LRRTM4: variants seen among roughly 807,000 people sequenced by gnomAD.
The protein encoded by LRRTM4 is leucine rich repeat transmembrane neuronal 4.
LRRTM4 carries 25 observed loss-of-function variants against 47.6 expected under a neutral mutation model. The observed-to-expected ratio is 0.53, with a 90% CI of 0.38 to 0.73. The LOEUF (loss-of-function observed/expected upper bound fraction) is 0.73, where lower values mean the gene tolerates loss of function less well. LRRTM4 is among the 30% of genes least tolerant of loss of function. The pLI is 0.00. For missense variants in LRRTM4, 638 were observed against 713.4 expected (o/e 0.89, Z 1.20); for synonymous variants, 311 against 269.5 (o/e 1.15, Z -1.51).
At chr2:77,071,244 CTT>C (rs1420641568) in intron 3 of LRRTM4, among the ~76,000 whole-genome samples, 3 of 152,132 alleles carry the variant, frequency 2.0e-5, no homozygotes, top group Non-Finnish European at 4.4e-5. Flanking sequence ...AATTACATAA[CTT>C]AAACTTTAAT....
chr2:77,392,383 C>A (rs1202854431), intron 3 of LRRTM4, among the ~76,000 whole-genome samples: 2 of 151,992 alleles, frequency 1.3e-5, no homozygotes, highest in Non-Finnish European at 2.9e-5. Context: ...CTCCTAAAGC[C>A]TTGTCATGAG....
intron 3 of LRRTM4, among the ~76,000 whole-genome samples, chr2:77,488,351 C>T (rs144160692): frequency 2.6e-5 from 4 of 152,174 alleles, no homozygotes; most frequent in Admixed American, 1.3e-4. Context: ...TGGTTGTGTG[C>T]GGCAGCTGGA....
chr2:76,959,339 A>T lies in LRRTM4; in HGVS notation c.1552-210423T>A, dbSNP rs985457443. 5.9e-5 allele frequency among the ~76,000 whole-genome samples: 9 copies of T among 151,740 alleles called. No individual in the cohort carries two copies. In the South Asian group the frequency reaches 1.9e-3, roughly 31 times the overall value. On this transcript the variant is annotated intron_variant, in intron 3 of 3. Coordinates refer to ENST00000409884, the MANE Select transcript of LRRTM4 (RefSeq NM_001134745.3). ...GCATGCCCTTCCTAGAAAATGACTGAAATGAAGAAAGTCACATAAACATAG... is the reference window on the plus strand; with the variant it reads ...GCATGCCCTTCCTAGAAAATGACTGTAATGAAGAAAGTCACATAAACATAG...
At chr2:76,769,813 T>C (rs1673615008) in intron 3 of LRRTM4, among the ~76,000 whole-genome samples, 2 of 152,166 alleles carry the variant, frequency 1.3e-5, no homozygotes, top group South Asian at 4.1e-4. Flanking sequence ...GTATTTTTCA[T>C]AGGAAAAATA....
At chr2:76,901,486 A>T (rs1558724872) in intron 3 of LRRTM4, among the ~76,000 whole-genome samples, 3 of 152,132 alleles carry the variant, frequency 2.0e-5, no homozygotes, top group South Asian at 2.1e-4. Flanking sequence ...GACAGAAAAA[A>T]GGGAGAGCAG....
chr2:77,191,162 C>A (rs1367113835), intron 3 of LRRTM4, among the ~76,000 whole-genome samples: 1 of 151,950 alleles, frequency 6.6e-6, no homozygotes, highest in Non-Finnish European at 1.5e-5. Flanking sequence ...CAAATGTACA[C>A]ATAGGACATA....
chr2:77,000,246 G>T (rs1677367196), intron 3 of LRRTM4, among the ~76,000 whole-genome samples: 1 of 151,750 alleles, frequency 6.6e-6, no homozygotes, highest in South Asian at 2.1e-4. Context: ...CCTCATTAGT[G>T]AGCAATTTCT....
chr2:77,182,336 C>A (rs1673371152), intron 3 of LRRTM4, among the ~76,000 whole-genome samples: 1 of 152,158 alleles, frequency 6.6e-6, no homozygotes, highest in East Asian at 1.9e-4. Context: ...AAAGCAAACA[C>A]TGCATGTTTT....
At chr2:77,258,139 G>A (rs1037101397) in intron 3 of LRRTM4, among the ~76,000 whole-genome samples, 2 of 151,230 alleles carry the variant, frequency 1.3e-5, no homozygotes, top group South Asian at 2.1e-4. Context: ...AAAAGACTAC[G>A]AAGAAACACC....
In LRRTM4 at chr2:77,200,655, T is replaced by C. The variant is rs567480555; in HGVS notation, c.1551+317663A>G. Among the ~76,000 whole-genome samples, 5 of 152,208 alleles carry C rather than the reference T, an allele frequency of 3.3e-5. No individual in the cohort carries two copies. In the South Asian group the frequency reaches 1.0e-3, roughly 32 times the overall value. The stretch of plus-strand genomic sequence containing the variant: ...TTCAGTAAAATATAATCTTCACTCA[T>C]TATTTTTTTCACAAGCTACAGCTCA... On this transcript the variant is annotated intron_variant, in intron 3 of 3. Coordinates refer to ENST00000409884, the MANE Select transcript of LRRTM4 (RefSeq NM_001134745.3).
At chr2:76,823,549 A>G (rs1489721588) in intron 3 of LRRTM4, among the ~76,000 whole-genome samples, 2 of 151,620 alleles carry the variant, frequency 1.3e-5, no homozygotes, top group Admixed American at 6.6e-5. Context: ...ATTTAGTTCA[A>G]TCCTGACAAT....
At chr2:76,759,424 A>G (rs994697608) in intron 3 of LRRTM4, among the ~76,000 whole-genome samples, 2 of 152,096 alleles carry the variant, frequency 1.3e-5, no homozygotes, top group Non-Finnish European at 2.9e-5. Flanking sequence ...TATTCAGGTC[A>G]TTTAGATCAA....
chr2:77,421,716 A>G (rs573599067), intron 3 of LRRTM4, among the ~76,000 whole-genome samples: 3 of 152,262 alleles, frequency 2.0e-5, no homozygotes, highest in Admixed American at 2.0e-4. Flanking sequence ...CAAAAAAAAA[A>G]AGGAAGAGTC....
intron 3 of LRRTM4, among the ~76,000 whole-genome samples, chr2:76,909,238 T>G (rs1341712889): frequency 6.6e-6 from 1 of 152,126 alleles, no homozygotes; most frequent in Non-Finnish European, 1.5e-5. Flanking sequence ...AAACAAGCAA[T>G]GGGGAAAGGA....
intron 3 of LRRTM4, among the ~76,000 whole-genome samples, chr2:77,404,108 C>T (rs1229822705): frequency 6.6e-6 from 1 of 151,922 alleles, no homozygotes; most frequent in Non-Finnish European, 1.5e-5. Context: ...AATATCATTT[C>T]TACTGTAGTT....
chr2:76,812,372 A>G (rs1322471389), intron 3 of LRRTM4, among the ~76,000 whole-genome samples: 1 of 152,218 alleles, frequency 6.6e-6, no homozygotes, highest in African/African-American at 2.4e-5. Flanking sequence ...AACCAATGAA[A>G]TGCTCTCTGA....
intron 3 of LRRTM4, among the ~76,000 whole-genome samples, chr2:77,033,528 C>T (rs1256958628): frequency 6.6e-6 from 1 of 151,762 alleles, no homozygotes; most frequent in African/African-American, 2.4e-5. Context: ...TACCGAATAT[C>T]AATTTTATTG....
At chr2:76,752,436 A>G (rs376158021) in intron 3 of LRRTM4, among the ~76,000 whole-genome samples, 1 of 152,116 alleles carries the variant, frequency 6.6e-6, no homozygotes, top group African/African-American at 2.4e-5. Context: ...TTACAATTGC[A>G]GTTTATTTTT....
chr2:76,880,237 G>A (rs993140786), intron 3 of LRRTM4, among the ~76,000 whole-genome samples: 2 of 152,128 alleles, frequency 1.3e-5, no homozygotes, highest in African/African-American at 4.8e-5. Flanking sequence ...TTTAGTGAAA[G>A]GAAGAATCAA....
Sources: allele counts gnomAD v4.1 joint callset (sites outside exome capture counted in the v4.1 genomes callset), GRCh38; gene constraint gnomAD v4.1.1; transcripts MANE v1.5; gene names NCBI Gene and HGNC (gene_info 2026-07-23, HGNC 2026-07-21).